Variants in H3-7 observed in about 807,000 individuals in gnomAD.
The protein encoded by H3-7 is H3.7 histone (putative).
chr1:143,904,343 G>A, the H3-7 span: 14 of 1,582,760 alleles, frequency 8.8e-6, 1 homozygote, highest in African/African-American at 5.4e-5. Flanking sequence ...TGATGGTGGA[G>A]CGCTTGTTGT....
chr1:143,904,681 A>G, the H3-7 span: 13 of 1,464,014 alleles, frequency 8.9e-6, no homozygotes, highest in East Asian at 1.9e-4. Flanking sequence ...TGCGCTACTT[A>G]TAGAGCCTGT....
the H3-7 span, chr1:143,904,640 T>G: frequency 6.4e-7 from 1 of 1,574,346 alleles, no homozygotes; most frequent in Non-Finnish European, 8.7e-7. Flanking sequence ...CTTAAAGAAG[T>G]AATCCGAACT....
At chr1:143,905,371 C>T in the H3-7 span, 1 of 567,980 alleles carries the variant, frequency 1.8e-6, no homozygotes, top group South Asian at 2.2e-5. Flanking sequence ...CTGCGGCTTT[C>T]TCTACTGCCG....
At chr1:143,905,755 A>G in the H3-7 span, 2 of 1,582,050 alleles carry the variant, frequency 1.3e-6, no homozygotes, top group Non-Finnish European at 1.7e-6. Flanking sequence ...CTCGCGTACC[A>G]GCCGCTGGAA....
chr1:143,904,149 T>C, the H3-7 span: 1 of 1,145,992 alleles, frequency 8.7e-7, no homozygotes, highest in Non-Finnish European at 1.3e-6. Flanking sequence ...ACAGCTGCTT[T>C]CTCGATTACT....
At chr1:143,902,907 G>A in the H3-7 span, among the ~76,000 whole-genome samples, 83 of 143,708 alleles carry the variant, frequency 5.8e-4, 2 homozygotes, top group African/African-American at 2.0e-3. Context: ...TTTAACAAGC[G>A]CAAGGCCGGG....
At chr1:143,904,636 G>A in the H3-7 span, 1 of 1,577,246 alleles carries the variant, frequency 6.3e-7, no homozygotes, top group Non-Finnish European at 8.7e-7. Context: ...GAGACTTAAA[G>A]AAGTAATCCG....
At chr1:143,905,801 G>A in the H3-7 span, 29 of 1,582,180 alleles carry the variant, frequency 1.8e-5, 2 homozygotes, top group Non-Finnish European at 2.5e-5. Context: ...GTAGACTTCT[G>A]ATAGCGCCGG....
At chr1:143,905,337 G>A in the H3-7 span, 3 of 524,966 alleles carry the variant, frequency 5.7e-6, no homozygotes, top group South Asian at 2.5e-5. Flanking sequence ...AAAAGGCTCG[G>A]CCGGAACCAC....
At chr1:143,905,437 G>A in the H3-7 span, 1 of 808,942 alleles carries the variant, frequency 1.2e-6, no homozygotes, top group Non-Finnish European at 1.9e-6. Context: ...GAGTGCCCCT[G>A]GCCCCTGACC....
the H3-7 span, chr1:143,904,339 T>C: frequency 7.0e-6 from 11 of 1,582,412 alleles, 1 homozygote; most frequent in Non-Finnish European, 9.5e-6. Flanking sequence ...GACGTGATGG[T>C]GGAGCGCTTG....
chr1:143,904,643 T>G, the H3-7 span: 2 of 1,574,642 alleles, frequency 1.3e-6, no homozygotes, highest in Admixed American at 1.7e-5. Flanking sequence ...AAAGAAGTAA[T>G]CCGAACTACC....
chr1:143,904,426 T>C, the H3-7 span: 29 of 1,582,814 alleles, frequency 1.8e-5, 4 homozygotes, highest in Non-Finnish European at 2.3e-5. Flanking sequence ...ATGATGCCCA[T>C]GGTCTTGGAC....
chr1:143,902,917 G>C, the H3-7 span, among the ~76,000 whole-genome samples: 1 of 142,926 alleles, frequency 7.0e-6, no homozygotes, highest in African/African-American at 2.5e-5. Flanking sequence ...GCAAGGCCGG[G>C]CGCGGTGGCT....
At chr1:143,904,830 C>A in the H3-7 span, among the ~76,000 whole-genome samples, 1 of 145,932 alleles carries the variant, frequency 6.9e-6, no homozygotes, top group East Asian at 2.1e-4. Flanking sequence ...TCTTGTTATC[C>A]AATCAGAATG....
At chr1:143,904,292 G>A in the H3-7 span, 31 of 1,585,574 alleles carry the variant, frequency 2.0e-5, 3 homozygotes, top group African/African-American at 4.0e-5. Flanking sequence ...CCAGCTCGCC[G>A]GGCAGCAGCA....
the H3-7 span, chr1:143,905,891 C>A: frequency 1.5e-5 from 24 of 1,580,222 alleles, 1 homozygote; most frequent in Non-Finnish European, 1.9e-5. Flanking sequence ...CTCTTGCGGG[C>A]CGCTTTGGTA....
chr1:143,903,163 G>T, the H3-7 span, among the ~76,000 whole-genome samples: 1 of 141,332 alleles, frequency 7.1e-6, no homozygotes, highest in East Asian at 2.1e-4. Context: ...GTGCACTCCG[G>T]CCTGGGCGAC....
the H3-7 span, chr1:143,905,618 G>A: frequency 1.9e-6 from 3 of 1,582,518 alleles, no homozygotes; most frequent in South Asian, 1.1e-5. Flanking sequence ...ATGGTCACGC[G>A]CTTGGCATGG....
Sources: allele counts gnomAD v4.1 joint callset (sites outside exome capture counted in the v4.1 genomes callset), GRCh38; gene constraint gnomAD v4.1.1; transcripts MANE v1.5; gene names NCBI Gene and HGNC (gene_info 2026-07-23, HGNC 2026-07-21).